Variants in TECR observed in about 807,000 individuals in gnomAD.
TECR encodes very-long-chain enoyl-CoA reductase.
Under a neutral mutation model 50.6 loss-of-function variants are expected in TECR, and 19 were observed. That is an observed-to-expected ratio of 0.38 (90% CI 0.26 to 0.55). TECR has a LOEUF of 0.55. Ranked by LOEUF, TECR falls within the 20% of genes least tolerant of loss-of-function variation. The probability of loss-of-function intolerance (pLI) is 0.79; values close to 1 mark genes in which losing one functional copy is unlikely to be tolerated. For missense variants in TECR, 313 were observed against 408.3 expected (o/e 0.77, Z 2.01); for synonymous variants, 168 against 163.5 (o/e 1.03, Z -0.21).
At chr19:14,547,816 A>C (rs924996620) in intron 1 of TECR, among the ~76,000 whole-genome samples, 1 of 151,812 alleles carries the variant, frequency 6.6e-6, no homozygotes, top group African/African-American at 2.4e-5. Context: ...CATACCACCT[A>C]CAGCCGGCTA....
chr19:14,546,790 A>T (rs1477812051), intron 1 of TECR, among the ~76,000 whole-genome samples: 1 of 152,072 alleles, frequency 6.6e-6, no homozygotes, highest in Non-Finnish European at 1.5e-5. Flanking sequence ...GGCGGGTTCA[A>T]GCCATTCTCC....
chr19:14,535,945 T>A (rs981870057), intron 1 of TECR, among the ~76,000 whole-genome samples: 5 of 151,992 alleles, frequency 3.3e-5, no homozygotes, highest in African/African-American at 1.2e-4. Flanking sequence ...ATTCTCCTGG[T>A]GGAGTCCCTT....
In TECR at chr19:14,563,494, C is replaced by T; in HGVS notation, c.119-164C>T. On this transcript the variant is annotated intron_variant, in intron 3 of 12. Coordinates refer to ENST00000215567, the MANE Select transcript of TECR (RefSeq NM_138501.6). This position sits in a 1 kb window ranked among gnomAD's most constrained non-coding sequence, Gnocchi z 5.3. ...CTGCCCGCGCTCTTCTGGCTTGTGT[C>T]CTGAAACCGCACAAGCCTGAGGGTT... 1 of 962,866 alleles carries T rather than the reference C, an allele frequency of 1.0e-6. No individual in the cohort carries two copies. The highest frequency in any genetic ancestry group is 1.6e-6 in the Non-Finnish European group (1 of 626,712). The allele number at this position is 962,866 out of a possible 1,614,324, so 59.6% of individuals were successfully genotyped here.
chr19:14,536,415 G>A (rs947577048), intron 1 of TECR, among the ~76,000 whole-genome samples: 1 of 151,900 alleles, frequency 6.6e-6, no homozygotes, highest in East Asian at 1.9e-4. Flanking sequence ...GATTACAGGC[G>A]CCCACCACCA....
intron 1 of TECR, among the ~76,000 whole-genome samples, chr19:14,560,469 G>A (rs534054533): frequency 6.8e-4 from 103 of 152,324 alleles, no homozygotes; most frequent in Admixed American, 1.2e-3. Context: ...GCCCTGCTGT[G>A]CTAACCCTTT....
chr19:14,539,525 G>A (rs1233087906), intron 1 of TECR, among the ~76,000 whole-genome samples: 2 of 152,066 alleles, frequency 1.3e-5, no homozygotes, highest in African/African-American at 4.8e-5. Context: ...CCGAGCCACA[G>A]GCAGAAGGCC....
intron 1 of TECR, among the ~76,000 whole-genome samples, chr19:14,537,871 G>A (rs902844409): frequency 1.3e-5 from 2 of 150,138 alleles, no homozygotes; most frequent in Non-Finnish European, 1.5e-5. Flanking sequence ...TTAGTCTCCC[G>A]AGTAGCTGGG....
intron 1 of TECR, chr19:14,529,984 G>C: frequency 5.4e-6 from 3 of 557,282 alleles, no homozygotes; most frequent in Non-Finnish European, 6.5e-6. Context: ...GTTCCTTGCA[G>C]CTCCCCCAGC....
intron 1 of TECR, among the ~76,000 whole-genome samples, chr19:14,556,804 G>A (rs1325643254): frequency 6.6e-6 from 1 of 152,208 alleles, no homozygotes; most frequent in Non-Finnish European, 1.5e-5. Context: ...TCCAGCAGGC[G>A]GGAGTAAGTC....
chr19:14,542,347 GTTTTTTTTTTTTTTTTT>G (rs71166754), intron 1 of TECR, among the ~76,000 whole-genome samples: 1 of 43,282 alleles, frequency 2.3e-5, no homozygotes, highest in Admixed American at 3.6e-4. Context: ...ATGCCATAGT[GTTTTTTTTTTTTTTTTT>G]TTTTTTTTTT....
chr19:14,548,230 G>T (rs1013005883), intron 1 of TECR, among the ~76,000 whole-genome samples: 5 of 151,780 alleles, frequency 3.3e-5, no homozygotes, highest in African/African-American at 1.2e-4. Flanking sequence ...CAAAGTGCTG[G>T]GATTACAGGT....
upstream of TECR, chr19:14,529,063 C>A (rs1568387160): frequency 6.4e-6 from 1 of 156,298 alleles, no homozygotes; most frequent in Non-Finnish European, 1.4e-5. Flanking sequence ...AAATGGGGAG[C>A]TTTTCGCGAC....
chr19:14,530,068 C>T (rs919806149), intron 1 of TECR: 10 of 400,414 alleles, frequency 2.5e-5, no homozygotes, highest in Non-Finnish European at 4.2e-5. Flanking sequence ...GGGAGTCTTG[C>T]ACAAATCTTG....
upstream of TECR, chr19:14,529,308 T>A (rs901276383): frequency 1.2e-5 from 5 of 400,648 alleles, no homozygotes; most frequent in African/African-American, 1.0e-4. Context: ...AACCGTCGCT[T>A]ACCTTGGTTT....
chr19:14,531,933 C>T (rs919505188), intron 1 of TECR: 2 of 150,126 alleles, frequency 1.3e-5, no homozygotes, highest in African/African-American at 2.5e-5. Flanking sequence ...GGCTTGAGCC[C>T]AGGAGGTTGA....
At chr19:14,557,932 T>C (rs1401323245) in intron 1 of TECR, among the ~76,000 whole-genome samples, 7 of 151,918 alleles carry the variant, frequency 4.6e-5, no homozygotes, top group Non-Finnish European at 7.4e-5. Context: ...ATTTTTTGTA[T>C]TTTTAGTAGA....
chr19:14,561,353 T>C (rs4926130), intron 1 of TECR, among the ~76,000 whole-genome samples: 93,251 of 152,056 alleles, frequency 0.61, 29,873 homozygotes, highest in African/African-American at 0.81. Flanking sequence ...CAGGCCTGCC[T>C]GCTTGCCACG....
chr19:14,551,569 C>T (rs1278587089), intron 1 of TECR, among the ~76,000 whole-genome samples: 3 of 152,144 alleles, frequency 2.0e-5, no homozygotes, highest in Non-Finnish European at 4.4e-5. Flanking sequence ...AGGACGCGCC[C>T]CTGCTTTTCT....
intron 1 of TECR, among the ~76,000 whole-genome samples, chr19:14,552,180 T>C (rs898784858): frequency 6.7e-6 from 1 of 149,810 alleles, no homozygotes; most frequent in African/African-American, 2.4e-5. Context: ...TTCTTTTTTT[T>C]TTTTTTTGAG....
Sources: allele counts gnomAD v4.1 joint callset (sites outside exome capture counted in the v4.1 genomes callset), GRCh38; gene constraint gnomAD v4.1.1; non-coding constraint Gnocchi (gnomAD v3.1); transcripts MANE v1.5; gene names NCBI Gene and HGNC (gene_info 2026-07-23, HGNC 2026-07-21).